Variants in SORL1 observed in about 807,000 individuals in gnomAD.
SORL1 encodes sortilin-related receptor.
Under a neutral mutation model 273.7 loss-of-function variants are expected in SORL1, and 127 were observed. The ratio of observed to expected loss-of-function variants is 0.46; its 90% CI spans 0.40 to 0.54. The LOEUF is 0.54. SORL1 is among the 20% of genes least tolerant of loss of function. The pLI is 0.00. For synonymous variants in SORL1, 1,031 were observed against 1,067.4 expected, an observed-to-expected ratio of 0.97 and a Z score of 0.66; for missense variants, 2,494 against 2,846.1, an observed-to-expected ratio of 0.88 and a Z score of 2.81.
rs114022331 is a variant in SORL1 at position 121,596,499 on chromosome 11, A to G, written c.4519+727A>G. Among the ~76,000 whole-genome samples the G allele has an allele frequency of 5.1e-3, 772 of 152,268 alleles. 8 individuals are homozygous for G. The highest frequency in any genetic ancestry group is 0.017 in the African/African-American group (726 of 41,540). On this transcript the variant is annotated intron_variant, in intron 32 of 47. Coordinates refer to ENST00000260197, the MANE Select transcript of SORL1 (RefSeq NM_003105.6). The surrounding 1 kb of genome is among the most constrained non-coding windows in gnomAD (Gnocchi z 4.3). The stretch of plus-strand genomic sequence containing the variant: ...GTTGGCTGGTCTGTCCTACTGTAGC[A>G]GACTTGGGAGGGCATGGCTGGACGG...
At chr11:121,525,011 T>G (rs758502235) in intron 11 of SORL1, among the ~76,000 whole-genome samples, 9 of 152,246 alleles carry the variant, frequency 5.9e-5, no homozygotes, top group Non-Finnish European at 8.8e-5. Context: ...ACTGCACATA[T>G]TTAAAGTGTA....
rs751949007 is a variant in SORL1 at position 121,570,300 on chromosome 11, T to C, written c.3337+30T>C. On this transcript the variant is annotated intron_variant, in intron 23 of 47. Transcript: ENST00000260197. The stretch of plus-strand genomic sequence containing the variant: ...GTCTTCTGGATTGGACGTTAAGCAC[T>C]TACCATTACTCAGAAGCCTGGTTGG... The C allele has an allele frequency of 1.8e-5, 28 of 1,535,232 alleles. No individual in the cohort carries two copies. In the South Asian group the frequency reaches 3.0e-4, roughly 17 times the overall value.
At chr11:121,570,358 C>A in intron 23 of SORL1, 88 bp downstream of exon 23, 1 of 856,566 alleles carries the variant, frequency 1.2e-6, no homozygotes, top group Non-Finnish European at 1.9e-6. Flanking sequence ...AGGTCTAGGG[C>A]GAGGGCCACC....
At chr11:121,617,025 G>A (rs1163836145) in intron 41 of SORL1, among the ~76,000 whole-genome samples, 2 of 152,228 alleles carry the variant, frequency 1.3e-5, no homozygotes, top group Non-Finnish European at 2.9e-5. Context: ...GTTGTCAATT[G>A]GTTGAGTTTG....
At chr11:121,460,149 C>A (rs1860972838) in intron 1 of SORL1, among the ~76,000 whole-genome samples, 1 of 152,044 alleles carries the variant, frequency 6.6e-6, no homozygotes. Flanking sequence ...TTATTATCTC[C>A]CCCCCTTTCT....
At chr11:121,604,518 C>T (rs1591349155) in intron 33 of SORL1, among the ~76,000 whole-genome samples, 194 bp downstream of exon 33, 1 of 152,008 alleles carries the variant, frequency 6.6e-6, no homozygotes. Flanking sequence ...CAACATGCAG[C>T]TGTCTCCTCC....
chr11:121,492,415 A>C (rs1016761554), intron 5 of SORL1, among the ~76,000 whole-genome samples: 5 of 152,172 alleles, frequency 3.3e-5, no homozygotes, highest in Non-Finnish European at 5.9e-5. Flanking sequence ...ATGAATGAAT[A>C]AAAATAAAAT....
intron 6 of SORL1, among the ~76,000 whole-genome samples, chr11:121,509,397 G>T (rs774757174): frequency 1.3e-5 from 2 of 151,920 alleles, no homozygotes; most frequent in Non-Finnish European, 2.9e-5. Flanking sequence ...TTGATCCTCC[G>T]TTTCTTTTTG....
intron 8 of SORL1, among the ~76,000 whole-genome samples, chr11:121,519,226 G>A (rs1861998634): frequency 6.6e-6 from 1 of 152,046 alleles, no homozygotes; most frequent in Non-Finnish European, 1.5e-5. Context: ...GATTACAGGT[G>A]TGAGCCACCA....
chr11:121,492,366 A>G (rs7942969), intron 5 of SORL1, among the ~76,000 whole-genome samples: 3 of 152,160 alleles, frequency 2.0e-5, no homozygotes, highest in African/African-American at 7.2e-5. Context: ...GTCTCAATAA[A>G]TAAATAAATA....
At chr11:121,458,759 A>G (rs1339626677) in intron 1 of SORL1, among the ~76,000 whole-genome samples, 1 of 152,226 alleles carries the variant, frequency 6.6e-6, no homozygotes, top group African/African-American at 2.4e-5. Flanking sequence ...GTGGCTGATG[A>G]AGCTAAAATC....
intron 11 of SORL1, 56 bp downstream of exon 11, chr11:121,523,045 A>G: frequency 8.5e-7 from 1 of 1,180,934 alleles, no homozygotes; most frequent in East Asian, 2.3e-5. Context: ...TTGTGTGAGA[A>G]TGTAGACTGT....
intron 43 of SORL1, 111 bp downstream of exon 43, chr11:121,620,028 CG>C (rs1272711115): frequency 1.2e-6 from 1 of 845,020 alleles, no homozygotes; most frequent in Admixed American, 2.1e-5. Context: ...TGGTTTCTGG[CG>C]CTCAGCAGGA....
intron 12 of SORL1, among the ~76,000 whole-genome samples, chr11:121,543,231 C>T (rs1164507962): frequency 6.6e-6 from 1 of 151,772 alleles, no homozygotes; most frequent in Non-Finnish European, 1.5e-5. Context: ...TTCTCTTTTG[C>T]TCCTCTGTCT....
rs909499606 is a variant in SORL1 at position 121,611,350 on chromosome 11, C to G, written c.5322+192C>G. On this transcript the variant is annotated intron_variant, in intron 39 of 47. Coordinates refer to ENST00000260197, the MANE Select transcript of SORL1 (RefSeq NM_003105.6). Reference sequence around the variant, plus strand: ...CCATGAAGAACAACTTGAGTCTTCACATGTAATTATTCTGCCTCAGCCTGG... The same window carrying G: ...CCATGAAGAACAACTTGAGTCTTCAGATGTAATTATTCTGCCTCAGCCTGG... The G allele has an allele frequency of 3.5e-5, 17 of 491,296 alleles. No homozygotes were observed. The East Asian group carries it at 5.2e-4, about 15-fold the overall frequency. The allele number at this position is 491,296 out of a possible 1,614,324, so 30.4% of individuals were successfully genotyped here. A position where few individuals can be genotyped will look rare whatever the true frequency, so the allele number is the denominator to read the frequency against.
At chr11:121,548,332 G>A (rs544842351) in intron 14 of SORL1, among the ~76,000 whole-genome samples, 87 of 152,314 alleles carry the variant, frequency 5.7e-4, no homozygotes, top group Admixed American at 1.4e-3. Context: ...AGGCAAATAA[G>A]TAATTAGCTA....
intron 21 of SORL1, among the ~76,000 whole-genome samples, chr11:121,565,083 T>TA (rs1360832455): frequency 6.6e-6 from 1 of 152,208 alleles, no homozygotes; most frequent in Non-Finnish European, 1.5e-5. Context: ...CTGTGCCCAC[T>TA]AATGGATCAG....
chr11:121,505,676 A>G (rs1372063842), intron 6 of SORL1, among the ~76,000 whole-genome samples: 3 of 152,012 alleles, frequency 2.0e-5, no homozygotes, highest in Non-Finnish European at 2.9e-5. Context: ...TTTTCTAATG[A>G]TTCTTGTGAT....
intron 8 of SORL1, among the ~76,000 whole-genome samples, chr11:121,517,352 T>C (rs1014980664): frequency 4.6e-5 from 7 of 152,252 alleles, no homozygotes; most frequent in Non-Finnish European, 8.8e-5. Context: ...TGACCTTCTG[T>C]GTCTGGCTTC....
Sources: gnomAD v4.1 joint callset for allele counts (sites outside exome capture counted in the v4.1 genomes callset) on GRCh38, gnomAD v4.1.1 for gene constraint, Gnocchi (gnomAD v3.1) non-coding constraint, MANE v1.5 for transcripts, NCBI Gene and HGNC (gene_info 2026-07-23, HGNC 2026-07-21) for gene names.